The following RBFOX2 variants were observed in gnomAD, a reference collection of about 807,000 sequenced individuals.
RBFOX2 encodes the protein RNA binding protein fox-1 homolog 2.
RBFOX2 carries 10 observed loss-of-function variants against 49.1 expected under a neutral mutation model. That is an observed-to-expected ratio of 0.20 (90% CI 0.13 to 0.35). RBFOX2 has a LOEUF of 0.35. RBFOX2 is among the 10% of genes least tolerant of loss of function. The pLI is 1.00. For missense variants in RBFOX2, 323 were observed against 486.9 expected, an observed-to-expected ratio of 0.66 and a Z score of 3.17; for synonymous variants, 183 against 187.4, an observed-to-expected ratio of 0.98 and a Z score of 0.19.
At chr22:35,911,806 C>G (rs2049866660) in intron 1 of RBFOX2, among the ~76,000 whole-genome samples, 1 of 152,068 alleles carries the variant, frequency 6.6e-6, no homozygotes, top group Non-Finnish European at 1.5e-5. Flanking sequence ...GTGGCATGAC[C>G]CATATCCCAT....
chr22:35,905,451 T>G (rs2149476698), intron 1 of RBFOX2, among the ~76,000 whole-genome samples: 1 of 152,278 alleles, frequency 6.6e-6, no homozygotes, highest in East Asian at 1.9e-4. Context: ...TATTTTACTG[T>G]TAAGAAGAAA....
At chr22:35,812,237 G>C (rs1250409892) in intron 1 of RBFOX2, among the ~76,000 whole-genome samples, 1 of 151,130 alleles carries the variant, frequency 6.6e-6, no homozygotes, top group African/African-American at 2.4e-5. Context: ...ACTCTAGCCC[G>C]GGCAACAGAG....
chr22:35,877,412 T>C (rs1397286750), intron 1 of RBFOX2, among the ~76,000 whole-genome samples: 1 of 152,144 alleles, frequency 6.6e-6, no homozygotes, highest in Non-Finnish European at 1.5e-5. Flanking sequence ...AACATACCCA[T>C]GATATTTTTA....
intron 11 of RBFOX2, 143 bp from the exon 14 acceptor site, chr22:35,744,392 A>G (rs1931517122): frequency 1.3e-6 from 1 of 741,626 alleles, no homozygotes; most frequent in Non-Finnish European, 2.1e-6. Flanking sequence ...TGTGCAGTGA[A>G]GTCAGGAAAC....
At position 35,837,023 on chromosome 22, in the gene RBFOX2, C is replaced by T. The variant is rs530304988; in HGVS notation, c.27+3169G>A. ...ACACATGAACAGCCGATAAAATTAA[C>T]GTTTTAAGTATCACATAAGCATGTC... On this transcript the variant is annotated intron_variant, in intron 1 of 11. Transcript: ENST00000405409. Among the ~76,000 whole-genome samples, 22 of 152,256 alleles carry T rather than the reference C, an allele frequency of 1.4e-4. 1 individual carries two copies. In the South Asian group the frequency reaches 3.5e-3, roughly 24 times the overall value.
intron 1 of RBFOX2, among the ~76,000 whole-genome samples, chr22:35,815,369 C>T (rs1033711593): frequency 6.6e-6 from 1 of 152,124 alleles, no homozygotes; most frequent in African/African-American, 2.4e-5. Context: ...ATGCACAGTA[C>T]TGTAAGAGAA....
intron 1 of RBFOX2, among the ~76,000 whole-genome samples, chr22:35,814,868 A>G (rs1952709887): frequency 6.6e-6 from 1 of 152,138 alleles, no homozygotes; most frequent in Admixed American, 6.6e-5. Context: ...CAACCTGGGC[A>G]ATGGGAGACC....
chr22:35,777,353 T>C (rs760392405), intron 4 of RBFOX2, among the ~76,000 whole-genome samples: 1 of 152,220 alleles, frequency 6.6e-6, no homozygotes, highest in East Asian at 1.9e-4. Context: ...TCAGTTCTTA[T>C]ATAGAACACA....
chr22:35,838,226 T>C (rs986640493), intron 1 of RBFOX2, among the ~76,000 whole-genome samples: 13 of 151,812 alleles, frequency 8.6e-5, no homozygotes, highest in South Asian at 2.1e-4. Flanking sequence ...TTATCTTTTA[T>C]GTAAATTTTT....
intron 1 of RBFOX2, chr22:35,897,888 C>A: frequency 1.4e-6 from 1 of 727,774 alleles, no homozygotes; most frequent in South Asian, 1.4e-5. Flanking sequence ...TTTTAATATT[C>A]ACATTCAGAT....
At chr22:35,978,790 C>G (rs1043719421) in intron 1 of RBFOX2, among the ~76,000 whole-genome samples, 109 of 152,124 alleles carry the variant, frequency 7.2e-4, no homozygotes, top group African/African-American at 2.5e-3. Context: ...AAGGGAAAGT[C>G]TTTGTAACAG....
chr22:35,920,011 A>G (rs2050854618), intron 1 of RBFOX2, among the ~76,000 whole-genome samples: 1 of 152,180 alleles, frequency 6.6e-6, no homozygotes, highest in South Asian at 2.1e-4. Flanking sequence ...ACATAGTAAA[A>G]CAATACATAT....
Position 35,933,951 on chromosome 22 carries a change from T to C in RBFOX2, c.-34+4896A>G, listed in dbSNP as rs1006613661. 1.9e-3 allele frequency among the ~76,000 whole-genome samples: 263 copies of C among 141,590 alleles called. 5 individuals carry two copies. Among genetic ancestry groups the C allele is most frequent in the African/African-American group, 6.7e-3 (248 of 37,004 alleles). 92.9% of individuals were successfully genotyped at this position (141,590 alleles called of 152,430 possible). On this transcript the variant is annotated intron_variant, in intron 1 of 13. Transcript: ENST00000359369. ...TTATATATATATATATATATATATA[T>C]ATACACACATCAATGAAATAAATTA...
chr22:35,931,523 C>T (rs2052406556), intron 1 of RBFOX2, among the ~76,000 whole-genome samples: 1 of 151,946 alleles, frequency 6.6e-6, no homozygotes, highest in Non-Finnish European at 1.5e-5. Flanking sequence ...GGCTGTAATC[C>T]CAGCACTTTG....
At chr22:36,009,984 C>T (rs756039921) in intron 1 of RBFOX2, among the ~76,000 whole-genome samples, 2 of 152,162 alleles carry the variant, frequency 1.3e-5, no homozygotes, top group African/African-American at 4.8e-5. Flanking sequence ...CTGTGTGCCA[C>T]CATTTCCTAA....
chr22:35,972,770 C>T (rs542824758), intron 1 of RBFOX2, among the ~76,000 whole-genome samples: 6 of 152,276 alleles, frequency 3.9e-5, no homozygotes, highest in African/African-American at 1.4e-4. Context: ...TGGACAGAGG[C>T]TCTCAGTTGG....
intron 1 of RBFOX2, among the ~76,000 whole-genome samples, chr22:35,823,537 A>C (rs1954984368): frequency 6.6e-6 from 1 of 152,196 alleles, no homozygotes; most frequent in Admixed American, 6.5e-5. Flanking sequence ...AAGAGATGTG[A>C]GGCAAATGAA....
intron 1 of RBFOX2, among the ~76,000 whole-genome samples, chr22:35,950,334 C>T (rs2054779115): frequency 6.6e-6 from 1 of 152,026 alleles, no homozygotes; most frequent in Non-Finnish European, 1.5e-5. Flanking sequence ...GCAAAGCATG[C>T]ATGATGTCAA....
intron 4 of RBFOX2, among the ~76,000 whole-genome samples, chr22:35,774,430 T>C (rs1341069211): frequency 6.6e-6 from 1 of 152,146 alleles, no homozygotes; most frequent in Admixed American, 6.5e-5. Flanking sequence ...TATATCTTAA[T>C]AGTACATTTT....
Sources: allele counts gnomAD v4.1 joint callset (sites outside exome capture counted in the v4.1 genomes callset), GRCh38; gene constraint gnomAD v4.1.1; transcripts MANE v1.5; gene names NCBI Gene and HGNC (gene_info 2026-07-23, HGNC 2026-07-21).